The following AMN1 variants were observed in gnomAD, a reference collection of about 807,000 sequenced individuals.
AMN1 encodes protein AMN1 homolog.
A neutral mutation model predicts 33.0 loss-of-function variants in AMN1; 20 were observed. That is an observed-to-expected ratio of 0.61 (90% CI 0.43 to 0.88). The LOEUF (loss-of-function observed/expected upper bound fraction) is 0.88. AMN1 is among the 40% of genes least tolerant of loss of function. The pLI, the probability that AMN1 is intolerant of heterozygous loss-of-function variation, is 0.00. For missense variants in AMN1, 246 were observed against 307.4 expected (o/e 0.80, Z 1.49); for synonymous variants, 114 against 111.9 (o/e 1.02, Z -0.12).
At chr12:31,690,100 T>C (rs1473730818) in intron 5 of AMN1, among the ~76,000 whole-genome samples, 1 of 151,482 alleles carries the variant, frequency 6.6e-6, no homozygotes, top group African/African-American at 2.5e-5. Flanking sequence ...CATTCCTTTT[T>C]ATGGCTGAGT....
chr12:31,672,575 C>A, intron 6 of AMN1, 198 bp from the exon 7 acceptor site: 1 of 469,276 alleles, frequency 2.1e-6, no homozygotes, highest in South Asian at 3.3e-5. Flanking sequence ...TGTAGTGCAC[C>A]TATCATGGTA....
intron 6 of AMN1, among the ~76,000 whole-genome samples, chr12:31,680,197 C>CTTTTA (rs572940153): frequency 6.8e-6 from 1 of 146,300 alleles, no homozygotes; most frequent in African/African-American, 2.6e-5. Context: ...CTATAATTTT[C>CTTTTA]TTTTCTTTTC....
At chr12:31,688,419 C>T (rs1365310082) in intron 6 of AMN1, among the ~76,000 whole-genome samples, 4 of 152,184 alleles carry the variant, frequency 2.6e-5, no homozygotes, top group African/African-American at 9.7e-5. Context: ...TCATAGGTAA[C>T]ATTTATTGAG....
At chr12:31,719,565 A>G (rs948876739) in intron 1 of AMN1, among the ~76,000 whole-genome samples, 6 of 152,204 alleles carry the variant, frequency 3.9e-5, no homozygotes, top group Admixed American at 2.6e-4. Context: ...CTATCTCTTT[A>G]GAGACTTCAA....
intron 3 of AMN1, among the ~76,000 whole-genome samples, chr12:31,700,277 C>T (rs574111323): frequency 1.7e-4 from 26 of 151,958 alleles, no homozygotes; most frequent in Non-Finnish European, 3.2e-4. Flanking sequence ...GTGGGAGGAT[C>T]GCTTGAGCCT....
chr12:31,701,818 T>C lies in AMN1; in HGVS notation c.316+45A>G, dbSNP rs200816879. 9.3e-6 allele frequency: 14 copies of C among 1,499,966 alleles called. No individual in the cohort carries two copies. In the East Asian group the frequency reaches 1.7e-4, roughly 18 times the overall value. The allele number at this position is 1,499,966 out of a possible 1,614,324, so 92.9% of individuals were successfully genotyped here. A position where few individuals can be genotyped will look rare whatever the true frequency, so the allele number is the denominator to read the frequency against. On this transcript the variant is annotated intron_variant, in intron 3 of 6. Coordinates refer to ENST00000281471, the MANE Select transcript of AMN1 (RefSeq NM_001113402.2). ...TCCCTTACTCCACAATTTTACCAGA[T>C]AGTGAATAGTAATCTACCAATGTAC...
intron 2 of AMN1, 91 bp from the exon 3 acceptor site, chr12:31,702,098 C>CT (rs1490883702): frequency 7.0e-6 from 8 of 1,146,774 alleles, no homozygotes; most frequent in African/African-American, 1.6e-5. Flanking sequence ...TCATAACAGA[C>CT]AAGTGGCTGA....
At chr12:31,677,419 A>G (rs1387773973) in intron 6 of AMN1, among the ~76,000 whole-genome samples, 1 of 152,232 alleles carries the variant, frequency 6.6e-6, no homozygotes, top group East Asian at 1.9e-4. Flanking sequence ...TCTCTATCCT[A>G]GTAACAGTTA....
chr12:31,675,013 C>CT (rs1213436076), intron 6 of AMN1, among the ~76,000 whole-genome samples: 2 of 137,856 alleles, frequency 1.5e-5, no homozygotes, highest in African/African-American at 5.4e-5. Context: ...CACAGCAAGA[C>CT]CCAGTGTCAA....
At chr12:31,680,176 C>T (rs1038818608) in intron 6 of AMN1, among the ~76,000 whole-genome samples, 3 of 148,376 alleles carry the variant, frequency 2.0e-5, no homozygotes, top group Admixed American at 6.7e-5. Context: ...GCTGTTGTAA[C>T]ATCTATAAAA....
chr12:31,682,558 G>A (rs956005491), intron 6 of AMN1, among the ~76,000 whole-genome samples: 5 of 152,104 alleles, frequency 3.3e-5, no homozygotes, highest in African/African-American at 1.2e-4. Flanking sequence ...AAGGGCAGCA[G>A]TGATTTGGGG....
At chr12:31,707,794 T>G (rs1939305972) in intron 2 of AMN1, among the ~76,000 whole-genome samples, 1 of 152,104 alleles carries the variant, frequency 6.6e-6, no homozygotes, top group Non-Finnish European at 1.5e-5. Flanking sequence ...TAGAAGATGT[T>G]TTAGGAACTA....
At chr12:31,707,765 G>C (rs1478556458) in intron 2 of AMN1, among the ~76,000 whole-genome samples, 1 of 152,158 alleles carries the variant, frequency 6.6e-6, no homozygotes, top group Non-Finnish European at 1.5e-5. Context: ...TGACACAAGA[G>C]AAGTAACTGA....
chr12:31,715,529 T>G (rs2139720172), intron 1 of AMN1: 1 of 169,732 alleles, frequency 5.9e-6, no homozygotes, highest in East Asian at 1.8e-4. Flanking sequence ...TTTTATTGAT[T>G]TCTGAAGCAC....
At chr12:31,701,787 A>T in intron 3 of AMN1, 76 bp downstream of exon 3, 1 of 1,282,206 alleles carries the variant, frequency 7.8e-7, no homozygotes, top group Non-Finnish European at 1.1e-6. Context: ...CTTTTGACGT[A>T]TTTTCTCCCT....
intron 1 of AMN1, among the ~76,000 whole-genome samples, chr12:31,709,745 C>T (rs781575781): frequency 6.6e-6 from 1 of 152,156 alleles, no homozygotes; most frequent in Non-Finnish European, 1.5e-5. Context: ...GGGAGGATCG[C>T]TTGGGCCCAG....
intron 1 of AMN1, among the ~76,000 whole-genome samples, chr12:31,712,992 G>T (rs1214077923): frequency 2.0e-5 from 3 of 152,150 alleles, no homozygotes; most frequent in African/African-American, 7.2e-5. Context: ...CAATAAACAT[G>T]GGAGTGCAGA....
intron 2 of AMN1, among the ~76,000 whole-genome samples, chr12:31,703,796 A>C (rs1939107772): frequency 6.6e-6 from 1 of 152,174 alleles, no homozygotes; most frequent in Non-Finnish European, 1.5e-5. Context: ...TGCATCCTAC[A>C]CTGGCAAACA....
chr12:31,679,957 T>C (rs1034988026), intron 6 of AMN1, among the ~76,000 whole-genome samples: 3 of 151,582 alleles, frequency 2.0e-5, no homozygotes, highest in Non-Finnish European at 2.9e-5. Flanking sequence ...AAACCCTGTC[T>C]CTACTAAAAA....
Sources: gnomAD v4.1 joint callset for allele counts (sites outside exome capture counted in the v4.1 genomes callset) on GRCh38, gnomAD v4.1.1 for gene constraint, MANE v1.5 for transcripts, NCBI Gene and HGNC (gene_info 2026-07-23, HGNC 2026-07-21) for gene names.